Variants in MDH1B observed in about 807,000 individuals in gnomAD.
MDH1B encodes the protein putative malate dehydrogenase 1B.
A neutral mutation model predicts 61.4 loss-of-function variants in MDH1B; 60 were observed. The ratio of observed to expected loss-of-function variants is 0.98; its 90% CI spans 0.79 to 1.21. The LOEUF (loss-of-function observed/expected upper bound fraction) is 1.21. Among genes scored for constraint, MDH1B ranks in the 50% most tolerant of loss-of-function variants. MDH1B has a pLI of 0.00. For missense variants in MDH1B, 587 were observed against 632.1 expected, an observed-to-expected ratio of 0.93 and a Z score of 0.76; for synonymous variants, 236 against 218.7, an observed-to-expected ratio of 1.08 and a Z score of -0.70.
Position 206,765,319 on chromosome 2 carries a change from G to A in MDH1B, c.-48C>T. On this transcript the variant is annotated 5_prime_UTR_variant, in exon 1 of 12. Coordinates refer to ENST00000374412, the MANE Select transcript of MDH1B (RefSeq NM_001039845.3). ...GGGACCGCGGCTTCGCGGTTTCCTG[G>A]CAACCACGCAGCCAAGGGCAAGGCG... is the stretch of plus-strand genomic sequence containing the variant. 1 of 1,571,226 alleles carries A rather than the reference G, an allele frequency of 6.4e-7. No individual in the cohort carries two copies.
chr2:206,753,428 G>A (rs1688566708), intron 5 of MDH1B, among the ~76,000 whole-genome samples: 1 of 152,140 alleles, frequency 6.6e-6, no homozygotes, highest in Non-Finnish European at 1.5e-5. Context: ...AATTACAGGT[G>A]TGAGCCATGG....
Position 206,755,061 on chromosome 2 carries a change from C to T in MDH1B, c.858G>A (p.Val286=), listed in dbSNP as rs1688673225. Residue 286 remains valine (V), a synonymous_variant, in exon 5 of 12, where the codon GTG becomes GTA. Transcript: ENST00000374412. ...AHNIIAVALG[V]EGEAKAILAR... is the part of the protein sequence containing the mutation. ...CCAGTATGGCTTTCGCTTCACCTTC[C>T]ACCCCCAGCGCCACAGCAATAATGT... 5.0e-6 allele frequency: 8 copies of T among 1,614,030 alleles called. No homozygotes were observed. Among genetic ancestry groups the T allele is most frequent in the Admixed American group, 1.7e-5 (1 of 60,010 alleles).
At chr2:206,745,598 A>G (rs1574625623) in intron 9 of MDH1B, 24 bp downstream of exon 9, 1 of 1,574,496 alleles carries the variant, frequency 6.4e-7, no homozygotes. Flanking sequence ...GCAGTCCAAT[A>G]AAACATCACG....
chr2:206,751,697 G>C (rs1688457550), intron 5 of MDH1B, among the ~76,000 whole-genome samples: 1 of 152,156 alleles, frequency 6.6e-6, no homozygotes, highest in South Asian at 2.1e-4. Context: ...TCTAGGGGTG[G>C]TGGGAAGTGG....
At position 206,765,276 on chromosome 2, in the gene MDH1B, G is replaced by C. The variant is rs765857440; in HGVS notation, c.-5C>G. 1.2e-6 allele frequency: 2 copies of C among 1,601,314 alleles called. No homozygotes were observed. The highest frequency in any genetic ancestry group is 2.2e-5 in the South Asian group (2 of 89,430). On this transcript the variant is annotated 5_prime_UTR_variant, in exon 1 of 12. Transcript: ENST00000374412. ...CGCGATGACGAATTTGGCCATGGTCGAGAGAGACTCAGAGGCAGGGACCGC... is the reference window on the plus strand; with the variant it reads ...CGCGATGACGAATTTGGCCATGGTCCAGAGAGACTCAGAGGCAGGGACCGC...
rs1398109098 is a variant in MDH1B at position 206,751,088 on chromosome 2, G to A, written c.911-13C>T. On this transcript the variant is annotated splice_polypyrimidine_tract_variant and intron_variant, in intron 5 of 11. Coordinates refer to ENST00000374412, the MANE Select transcript of MDH1B (RefSeq NM_001039845.3). ...ACGTCTTTAATGTCTGTGAAGAATAGAAAGTTTAGAAAAATAATAATAATG... is the reference window on the plus strand; with the variant it reads ...ACGTCTTTAATGTCTGTGAAGAATAAAAAGTTTAGAAAAATAATAATAATG... 2 of 1,499,296 alleles carry A rather than the reference G, an allele frequency of 1.3e-6. No homozygotes were observed. Among genetic ancestry groups the A allele is most frequent in the Non-Finnish European group, 1.8e-6 (2 of 1,115,196 alleles). 92.9% of individuals were successfully genotyped at this position (1,499,296 alleles called of 1,614,324 possible). A position where few individuals can be genotyped will look rare whatever the true frequency, so the allele number is the denominator to read the frequency against.
chr2:206,758,782 A>C (rs1342428971), intron 2 of MDH1B, among the ~76,000 whole-genome samples: 3 of 141,080 alleles, frequency 2.1e-5, no homozygotes, highest in Admixed American at 1.4e-4. Flanking sequence ...ACACACACAC[A>C]AAAAAAAAAC....
chr2:206,761,369 C>T (rs1197221311), intron 1 of MDH1B, among the ~76,000 whole-genome samples: 1 of 152,022 alleles, frequency 6.6e-6, no homozygotes, highest in African/African-American at 2.4e-5. Context: ...CTAATGGCCA[C>T]CAAAAGGTAA....
At chr2:206,739,289 G>T (rs139732633) in intron 11 of MDH1B, among the ~76,000 whole-genome samples, 1 of 152,174 alleles carries the variant, frequency 6.6e-6, no homozygotes, top group Non-Finnish European at 1.5e-5. Context: ...GGTGATGCAT[G>T]CCTGTGGTCC....
intron 4 of MDH1B, among the ~76,000 whole-genome samples, chr2:206,756,052 A>G (rs1296530915): frequency 1.3e-5 from 2 of 152,018 alleles, no homozygotes; most frequent in Non-Finnish European, 2.9e-5. Context: ...AGCTGTGACT[A>G]TCAGCTGTGA....
chr2:206,757,245 G>C lies in MDH1B; in HGVS notation c.262C>G (p.His88Asp). 6.2e-7 allele frequency: 1 copy of C among 1,613,004 alleles called. No homozygotes were observed. Among genetic ancestry groups the C allele is most frequent in the Non-Finnish European group, 8.5e-7 (1 of 1,179,436 alleles). The change falls in exon 3 of 12, where the codon CAT becomes GAT. Residue 88 changes from histidine to aspartate, a missense_variant. His to Asp is a moderately conservative substitution (Grantham distance 81, BLOSUM62 -1). Coordinates refer to ENST00000374412, the MANE Select transcript of MDH1B (RefSeq NM_001039845.3). ...LLGGYNEFLE[H>D]AQLYYDVTSS... ...TAAGTTAACTTATATACCTGAGCATGCTCCAGGAACTCATTATATCCTCCC... is the reference window on the plus strand; with the variant it reads ...TAAGTTAACTTATATACCTGAGCATCCTCCAGGAACTCATTATATCCTCCC...
chr2:206,740,959 T>C, intron 10 of MDH1B, 95 bp downstream of exon 10: 1 of 1,524,354 alleles, frequency 6.6e-7, no homozygotes. Flanking sequence ...AAACTTGCTT[T>C]GGTCGCTAGA....
At chr2:206,741,742 C>A (rs111856196) in intron 9 of MDH1B, among the ~76,000 whole-genome samples, 1 of 152,072 alleles carries the variant, frequency 6.6e-6, no homozygotes, top group Non-Finnish European at 1.5e-5. Flanking sequence ...CTCTACGGAA[C>A]CTTGACTATA....
rs1251605653 is a variant in MDH1B at position 206,756,953 on chromosome 2, G to A, written c.358C>T (p.Gln120Ter). ...CAAGTTTTCAGGGCTTCTTCCTCCT[G>A]CTCTTTTTCTATATGTGCCCCCAGG... ...ENLGAHIEKE[Q>*]EEEALKTCIN... The change falls in exon 4 of 12, where the codon CAG becomes TAG. Residue 120 changes from glutamine (Q) to a stop codon, truncating the protein, a stop_gained. Coordinates refer to ENST00000374412, the MANE Select transcript of MDH1B (RefSeq NM_001039845.3). LOFTEE classifies it high-confidence loss of function. 1 of 1,614,036 alleles carries A rather than the reference G, an allele frequency of 6.2e-7. No homozygotes were observed. The highest frequency in any genetic ancestry group is 8.5e-7 in the Non-Finnish European group (1 of 1,179,988).
chr2:206,761,999 TA>T (rs1689123901), intron 1 of MDH1B, among the ~76,000 whole-genome samples: 1 of 152,164 alleles, frequency 6.6e-6, no homozygotes, highest in South Asian at 2.1e-4. Context: ...TGAACTCAAT[TA>T]CTTGCCTTTT....
At chr2:206,747,440 A>C (rs1191912358) in intron 7 of MDH1B, among the ~76,000 whole-genome samples, 2 of 152,212 alleles carry the variant, frequency 1.3e-5, no homozygotes, top group Non-Finnish European at 2.9e-5. Context: ...TTCTTTCTAC[A>C]AATAAAGGTA....
intron 9 of MDH1B, among the ~76,000 whole-genome samples, chr2:206,743,999 T>G (rs1013311046): frequency 3.9e-5 from 6 of 152,210 alleles, no homozygotes; most frequent in Admixed American, 3.3e-4. Context: ...TTTTTCAAAC[T>G]AATCCCACAA....
chr2:206,739,650 G>T lies in MDH1B; in HGVS notation c.1471C>A (p.Pro491Thr), dbSNP rs1687696179. ...NLAMSDAAEFPNQIPQTTFEK... is the reference protein window; with the variant it reads ...NLAMSDAAEFTNQIPQTTFEK... ...AAGGTGGTTTGAGGAATCTGATTTG[G>T]AAACTCTGCTGCTGCAAATAGAGTT... Residue 491 changes from proline to threonine, a missense_variant, in exon 11 of 12, where the codon CCA becomes ACA. Physicochemically the swap from Pro to Thr is conservative, Grantham distance 38 (BLOSUM62 -1). Coordinates refer to ENST00000374412, the MANE Select transcript of MDH1B (RefSeq NM_001039845.3). The T allele has an allele frequency of 2.5e-6, 4 of 1,613,846 alleles. No homozygotes were observed. Among genetic ancestry groups the T allele is most frequent in the African/African-American group, 1.3e-5 (1 of 74,906 alleles).
At chr2:206,751,159 G>T (rs1445918333) in intron 5 of MDH1B, 84 bp from the exon 6 acceptor site, 2 of 975,328 alleles carry the variant, frequency 2.1e-6, no homozygotes, top group Non-Finnish European at 3.0e-6. Context: ...TTGTTTGCGT[G>T]CATGTTTGTT....
Sources: allele counts gnomAD v4.1 joint callset (sites outside exome capture counted in the v4.1 genomes callset), GRCh38; gene constraint gnomAD v4.1.1; transcripts MANE v1.5; gene names NCBI Gene and HGNC (gene_info 2026-07-23, HGNC 2026-07-21).